The following DYRK1A variants were observed in gnomAD, a reference collection of about 807,000 sequenced individuals.
The protein encoded by DYRK1A is dual specificity tyrosine-phosphorylation-regulated kinase 1A.
DYRK1A carries 9 observed loss-of-function variants against 79.7 expected under a neutral mutation model. That is an observed-to-expected ratio of 0.11 (90% CI 0.07 to 0.20). The LOEUF is 0.20. Among genes scored for constraint, DYRK1A ranks in the 10% least tolerant of loss-of-function variants. DYRK1A has a pLI of 1.00. For synonymous variants in DYRK1A, 349 were observed against 329.7 expected, an observed-to-expected ratio of 1.06 and a Z score of -0.63; for missense variants, 622 against 956.0, an observed-to-expected ratio of 0.65 and a Z score of 4.61.
At chr21:37,411,049 TAAAAAAAAAAAAAA>T (rs35292922) in intron 1 of DYRK1A, among the ~76,000 whole-genome samples, 5 of 56,442 alleles carry the variant, frequency 8.9e-5, no homozygotes, top group African/African-American at 2.2e-4. Context: ...ATTCTGTCTT[TAAAAAAAAAAAAAA>T]AAAAAAAAAA....
intron 11 of DYRK1A, 104 bp from the exon 12 acceptor site, chr21:37,511,807 C>G: frequency 7.4e-7 from 1 of 1,344,698 alleles, no homozygotes; most frequent in South Asian, 1.4e-5. Context: ...ACCGTTTCCC[C>G]CTGATTAATA....
chr21:37,496,306 C>G, intron 9 of DYRK1A, 48 bp downstream of exon 9: 1 of 1,557,920 alleles, frequency 6.4e-7, no homozygotes, highest in Non-Finnish European at 8.7e-7. Context: ...ATTTCTTTAT[C>G]ATACCTGTCT....
chr21:37,449,577 G>C (rs919769015), intron 2 of DYRK1A, among the ~76,000 whole-genome samples: 5 of 152,172 alleles, frequency 3.3e-5, no homozygotes, highest in Non-Finnish European at 7.3e-5. Flanking sequence ...CTAACTGCAA[G>C]GGAGGCTGGA....
chr21:37,406,829 T>TTA (rs60475064), intron 1 of DYRK1A, among the ~76,000 whole-genome samples: 9,283 of 147,704 alleles, frequency 0.063, 1,001 homozygotes, highest in African/African-American at 0.21. Context: ...ATATATGTAA[T>TTA]TATATATATA....
At chr21:37,486,698 GATTTT>G in intron 6 of DYRK1A, 84 bp downstream of exon 6, 1 of 1,288,858 alleles carries the variant, frequency 7.8e-7, no homozygotes, top group Non-Finnish European at 1.0e-6. Context: ...AAAATATTTT[GATTTT>G]ATTTTAAAGT....
chr21:37,456,833 C>T (rs957852476), intron 2 of DYRK1A, among the ~76,000 whole-genome samples: 7 of 152,004 alleles, frequency 4.6e-5, no homozygotes, highest in South Asian at 2.1e-4. Flanking sequence ...AAGGGCATAC[C>T]GGAACAAGTT....
At position 37,512,109 on chromosome 21, in the gene DYRK1A, T is replaced by C. The variant is rs750405447; in HGVS notation, c.1843T>C (p.Leu615=). ...HHHHHHGQQA[L]GNRTRPRVYN... ...TCACCACCACCATGGACAACAAGCC[T>C]TGGGTAACCGGACCAGGCCAAGGGT... is the stretch of plus-strand genomic sequence containing the variant. Residue 615 remains leucine (L), a synonymous_variant, in exon 12 of 12, where the codon TTG becomes CTG. Transcript: ENST00000647188. 1 of 1,614,006 alleles carries C rather than the reference T, an allele frequency of 6.2e-7. No homozygotes were observed. The highest frequency in any genetic ancestry group is 8.5e-7 in the Non-Finnish European group (1 of 1,180,026).
At chr21:37,398,640 A>G (rs574079322) in intron 1 of DYRK1A, among the ~76,000 whole-genome samples, 1 of 152,328 alleles carries the variant, frequency 6.6e-6, no homozygotes, top group South Asian at 2.1e-4. Flanking sequence ...TTGGTGTCCT[A>G]TGTGGAAGAC....
At chr21:37,443,032 C>G (rs1490627658) in intron 2 of DYRK1A, among the ~76,000 whole-genome samples, 2 of 152,102 alleles carry the variant, frequency 1.3e-5, no homozygotes, top group Non-Finnish European at 1.5e-5. Flanking sequence ...GAAACGAAGT[C>G]TCTTGGTGTT....
rs373029014 is a variant in DYRK1A, at chr21:37,515,136, A to C, written c.*2605A>C. ...AAGAACCCCCCTTTGTATTATAGTC[A>C]TGCGGTCTTATGTATGATAAACAGT... On this transcript the variant is annotated 3_prime_UTR_variant, in exon 12 of 12. Transcript: ENST00000647188. The C allele has an allele frequency of 6.6e-6, 1 of 152,300 alleles. No individual in the cohort carries two copies. Among genetic ancestry groups the C allele is most frequent in the South Asian group, 2.1e-4 (1 of 4,784 alleles). 9.4% of individuals were successfully genotyped at this position (152,300 alleles called of 1,614,324 possible).
intron 1 of DYRK1A, among the ~76,000 whole-genome samples, chr21:37,413,520 C>T (rs999019040): frequency 6.6e-6 from 1 of 152,034 alleles, no homozygotes; most frequent in African/African-American, 2.4e-5. Flanking sequence ...TTCTTATAAG[C>T]TAGTTATGAG....
In DYRK1A at chr21:37,518,211, A is replaced by G. The variant is rs569311327; in HGVS notation, c.*5680A>G. 3.9e-5 allele frequency: 6 copies of G among 152,352 alleles called. No homozygotes were observed. The highest frequency in any genetic ancestry group is 2.6e-4 in the Admixed American group (4 of 15,304). 9.4% of individuals were successfully genotyped at this position (152,352 alleles called of 1,614,324 possible). A position where few individuals can be genotyped will look rare whatever the true frequency, so the allele number is the denominator to read the frequency against. On this transcript the variant is annotated 3_prime_UTR_variant, in exon 12 of 12. Coordinates refer to ENST00000647188, the MANE Select transcript of DYRK1A (RefSeq NM_001347721.2). Reference sequence around the variant, plus strand: ...AAGCGGAAAAGCGGAATGCAGTGAAATAGCATGAGAAAGAGCGTTTTTATG... The same window carrying G: ...AAGCGGAAAAGCGGAATGCAGTGAAGTAGCATGAGAAAGAGCGTTTTTATG...
At chr21:37,372,620 T>TAA (rs1176894481) in intron 1 of DYRK1A, among the ~76,000 whole-genome samples, 4 of 152,148 alleles carry the variant, frequency 2.6e-5, no homozygotes, top group African/African-American at 9.7e-5. Flanking sequence ...GTTGGCTGTG[T>TAA]GACTTTAGGT....
In DYRK1A at chr21:37,512,264, A is replaced by C. The variant is rs756785454; in HGVS notation, c.1998A>C (p.Gln666His). The C allele has an allele frequency of 1.6e-5, 26 of 1,614,086 alleles. No homozygotes were observed. The African/African-American group carries it at 2.9e-4, about 18-fold the overall frequency. The change falls in exon 12 of 12, where the codon CAA becomes CAC. Residue 666 changes from glutamine to histidine, a missense_variant. Around this residue, in one of 5 missense-constraint regions of DYRK1A, gnomAD observed 292 missense variants for 316.7 expected, o/e 0.92. Coordinates refer to ENST00000647188, the MANE Select transcript of DYRK1A (RefSeq NM_001347721.2). ...SSTSSSSTGNQGNQAYQNRPV... is the reference protein window; with the variant it reads ...SSTSSSSTGNHGNQAYQNRPV... ...CATCTTCCTCCTCTACTGGTAACCA[A>C]GGCAATCAGGCCTACCAGAATCGCC... is the stretch of plus-strand genomic sequence containing the variant.
At chr21:37,457,132 C>T (rs528215623) in intron 2 of DYRK1A, among the ~76,000 whole-genome samples, 4 of 152,014 alleles carry the variant, frequency 2.6e-5, no homozygotes, top group Admixed American at 2.0e-4. Context: ...TGCAGTAGCA[C>T]GATCCTGGCT....
chr21:37,478,306 A>G lies in DYRK1A; in HGVS notation c.300+6A>G, dbSNP rs2052474076. The G allele has an allele frequency of 1.2e-6, 2 of 1,611,924 alleles. No homozygotes were observed. Among genetic ancestry groups the G allele is most frequent in the South Asian group, 2.2e-5 (2 of 90,744 alleles). On this transcript the variant is annotated splice_donor_region_variant and intron_variant, in intron 4 of 11. Transcript: ENST00000647188. The stretch of plus-strand genomic sequence containing the variant: ...CATACAAGCATATTAATGAGGTAAG[A>G]CTTGATTTGTTATAATAACATCTAT...
chr21:37,468,858 C>G (rs1454570596), intron 2 of DYRK1A, among the ~76,000 whole-genome samples: 1 of 152,048 alleles, frequency 6.6e-6, no homozygotes, highest in African/African-American at 2.4e-5. Context: ...AAATTAAGAA[C>G]TTTTATTCAT....
At chr21:37,407,140 C>T (rs921364684) in intron 1 of DYRK1A, among the ~76,000 whole-genome samples, 3 of 151,834 alleles carry the variant, frequency 2.0e-5, no homozygotes, top group Admixed American at 6.6e-5. Flanking sequence ...ATCCCTAATT[C>T]GAAGTGTTTG....
At position 37,404,138 on chromosome 21, in the gene DYRK1A, C is replaced by T. The variant is rs74976410; in HGVS notation, c.-76-16161C>T. On this transcript the variant is annotated intron_variant, in intron 1 of 11. Coordinates refer to ENST00000647188, the MANE Select transcript of DYRK1A (RefSeq NM_001347721.2). The stretch of plus-strand genomic sequence containing the variant: ...ACAGAACCAATAAGAGATACACAGG[C>T]GTGTATATATGTATGTATCCATAAG... 9.1e-3 allele frequency among the ~76,000 whole-genome samples: 1,386 copies of T among 152,106 alleles called. 19 individuals are homozygous for T. The highest frequency in any genetic ancestry group is 0.032 in the African/African-American group (1,324 of 41,472).
Sources: allele counts gnomAD v4.1 joint callset (sites outside exome capture counted in the v4.1 genomes callset), GRCh38; gene constraint gnomAD v4.1.1; regional missense constraint gnomAD v4.1.1; transcripts MANE v1.5; gene names NCBI Gene and HGNC (gene_info 2026-07-23, HGNC 2026-07-21).